SGK3: variants seen among roughly 807,000 people sequenced by gnomAD.
The protein encoded by SGK3 is serine/threonine-protein kinase Sgk3.
SGK3 carries 47 observed loss-of-function variants against 68.5 expected under a neutral mutation model. That is an observed-to-expected ratio of 0.69 (90% CI 0.54 to 0.87). The LOEUF (loss-of-function observed/expected upper bound fraction) is 0.87. SGK3 is among the 40% of genes least tolerant of loss of function. The pLI, the probability that SGK3 is intolerant of heterozygous loss-of-function variation, is 0.00. For synonymous variants in SGK3, 181 were observed against 189.1 expected (o/e 0.96, Z 0.35); for missense variants, 479 against 575.5 (o/e 0.83, Z 1.72).
chr8:66,826,584 T>C (rs778758904), intron 6 of SGK3, among the ~76,000 whole-genome samples: 22 of 152,178 alleles, frequency 1.4e-4, no homozygotes, highest in Non-Finnish European at 2.9e-4. Context: ...GGAAATAAAT[T>C]TGAATTGTAA....
intron 4 of SGK3, among the ~76,000 whole-genome samples, chr8:66,810,640 G>T (rs1808348447): frequency 6.6e-6 from 1 of 152,212 alleles, no homozygotes; most frequent in Admixed American, 6.5e-5. Context: ...GGTGGAGGTT[G>T]CAGTGAGCTG....
intron 1 of SGK3, among the ~76,000 whole-genome samples, chr8:66,720,949 AAC>A (rs1444454638): frequency 3.3e-5 from 5 of 152,102 alleles, no homozygotes; most frequent in Non-Finnish European, 5.9e-5. Context: ...CTGTCTCACA[AAC>A]AAAACAAACA....
intron 2 of SGK3, among the ~76,000 whole-genome samples, chr8:66,795,660 C>G (rs1466653742): frequency 1.3e-5 from 2 of 152,096 alleles, no homozygotes; most frequent in African/African-American, 4.8e-5. Context: ...TCGAGGAGAC[C>G]TGTAGCATTT....
intron 1 of SGK3, among the ~76,000 whole-genome samples, chr8:66,788,869 G>C (rs1807318341): frequency 6.6e-6 from 1 of 152,112 alleles, no homozygotes; most frequent in African/African-American, 2.4e-5. Context: ...TTGTTCACCA[G>C]GTCCAGTTAA....
chr8:66,787,783 T>C (rs1295660553), intron 1 of SGK3, among the ~76,000 whole-genome samples: 3 of 152,238 alleles, frequency 2.0e-5, no homozygotes, highest in Non-Finnish European at 4.4e-5. Context: ...GAAAGGTTCA[T>C]ATACATATTT....
At position 66,803,831 on chromosome 8, in the gene SGK3, A is replaced by T. The variant is rs577401208; in HGVS notation, c.181-544A>T. Reference sequence around the variant, plus strand: ...GCCACCATGCCTGGCTTTTTTTTTTATTTTATTTTTTAGAGACGAAGTTTC... The same window carrying T: ...GCCACCATGCCTGGCTTTTTTTTTTTTTTTATTTTTTAGAGACGAAGTTTC... On this transcript the variant is annotated intron_variant, in intron 3 of 16. Transcript: ENST00000521198. Among the ~76,000 whole-genome samples the T allele has an allele frequency of 3.1e-3, 468 of 149,962 alleles. 2 individuals are homozygous for T. The highest frequency in any genetic ancestry group is 0.011 in the African/African-American group (435 of 40,844).
Position 66,835,836 on chromosome 8 carries a change from A to G in SGK3, c.599A>G (p.Asn200Ser), listed in dbSNP as rs1276706902. Reference sequence around the variant, plus strand: ...GTGTTACAGAAAAAAATAGTTCTCAACAGAAAAGAGGTAAAATAAAATAGT... The same window carrying G: ...GTGTTACAGAAAAAAATAGTTCTCAGCAGAAAAGAGGTAAAATAAAATAGT... ...VKVLQKKIVL[N>S]RKEQKHIMAE... The change falls in exon 9 of 17, where the codon AAC becomes AGC. Residue 200 changes from asparagine to serine, a missense_variant. Physicochemically the swap from Asn to Ser is conservative, Grantham distance 46 (BLOSUM62 1). Coordinates refer to ENST00000521198, the MANE Select transcript of SGK3 (RefSeq NM_001033578.3). 2 of 1,609,690 alleles carry G rather than the reference A, an allele frequency of 1.2e-6. No individual in the cohort carries two copies. The highest frequency in any genetic ancestry group is 3.4e-5 in the Admixed American group (2 of 58,962).
rs958081290 is a variant in SGK3 at position 66,712,829 on chromosome 8, G to C, written c.-126G>C. On this transcript the variant is annotated 5_prime_UTR_variant, in exon 1 of 17. Transcript: ENST00000521198. The stretch of plus-strand genomic sequence containing the variant: ...GCCGCGCCGGGAGCAGCACCGCGGG[G>C]CCAGGTAGGTGCGGGGCCGGCGGGA... 6.6e-6 allele frequency: 1 copy of C among 151,452 alleles called. No individual in the cohort carries two copies. The highest frequency in any genetic ancestry group is 2.4e-5 in the African/African-American group (1 of 41,360). 9.4% of individuals were successfully genotyped at this position (151,452 alleles called of 1,614,324 possible). A position where few individuals can be genotyped will look rare whatever the true frequency, so the allele number is the denominator to read the frequency against.
chr8:66,738,462 C>T (rs1473946139), intron 1 of SGK3, among the ~76,000 whole-genome samples: 5 of 152,136 alleles, frequency 3.3e-5, no homozygotes, highest in East Asian at 3.9e-4. Context: ...TAGCATGGCT[C>T]GTTAGCCACA....
At chr8:66,743,823 T>C (rs1397502186) in intron 1 of SGK3, among the ~76,000 whole-genome samples, 1 of 152,256 alleles carries the variant, frequency 6.6e-6, no homozygotes, top group Non-Finnish European at 1.5e-5. Flanking sequence ...CTAATTTTTT[T>C]TGTACTTGTC....
chr8:66,752,423 A>C (rs778743999), intron 1 of SGK3, among the ~76,000 whole-genome samples: 2 of 152,194 alleles, frequency 1.3e-5, no homozygotes, highest in Non-Finnish European at 1.5e-5. Flanking sequence ...GGAAATAAAC[A>C]TGCAAAAAGA....
In SGK3 at chr8:66,860,731, G is replaced by A. The variant is rs952988245; in HGVS notation, c.*1150G>A. 7.9e-5 allele frequency: 12 copies of A among 152,048 alleles called. No individual in the cohort carries two copies. Among genetic ancestry groups the A allele is most frequent in the Non-Finnish European group, 4.4e-5 (3 of 68,018 alleles). 9.4% of individuals were successfully genotyped at this position (152,048 alleles called of 1,614,324 possible). Reference sequence around the variant, plus strand: ...TGCTATTAAGTCATTCTGAATCTTTGTATTTGCTTTTGCAAATAGGTATTT... The same window carrying A: ...TGCTATTAAGTCATTCTGAATCTTTATATTTGCTTTTGCAAATAGGTATTT... On this transcript the variant is annotated 3_prime_UTR_variant, in exon 17 of 17. Transcript: ENST00000521198.
chr8:66,718,713 A>C (rs948624774), intron 1 of SGK3, among the ~76,000 whole-genome samples: 2 of 151,800 alleles, frequency 1.3e-5, no homozygotes, highest in Non-Finnish European at 2.9e-5. Context: ...TTTTTAGTTG[A>C]GACAGGGTTT....
At chr8:66,739,081 G>A (rs531079354) in intron 1 of SGK3, among the ~76,000 whole-genome samples, 64 of 152,178 alleles carry the variant, frequency 4.2e-4, no homozygotes, top group African/African-American at 1.3e-3. Flanking sequence ...TTCATTTTGC[G>A]TTGCTGTAAC....
chr8:66,759,621 G>C (rs112410700), intron 1 of SGK3, among the ~76,000 whole-genome samples: 1 of 151,804 alleles, frequency 6.6e-6, no homozygotes, highest in Non-Finnish European at 1.5e-5. Flanking sequence ...TAGTAGAGAC[G>C]TTGTTTCACC....
In SGK3 at chr8:66,857,732, G is replaced by A. The variant is rs534349601; in HGVS notation, c.1321-1679G>A. On this transcript the variant is annotated intron_variant, in intron 16 of 16. Transcript: ENST00000521198. ...CAGGAGGTCGAAGCTGCAGTGAGCT[G>A]TGATTGTGCCACTGCATTCCAGCCT... 1.6e-3 allele frequency among the ~76,000 whole-genome samples: 248 copies of A among 152,094 alleles called. 1 individual carries two copies. The highest frequency in any genetic ancestry group is 2.4e-3 in the Non-Finnish European group (164 of 68,008).
At chr8:66,821,598 C>T (rs560193506) in intron 5 of SGK3, among the ~76,000 whole-genome samples, 14 of 151,768 alleles carry the variant, frequency 9.2e-5, no homozygotes, top group Middle Eastern at 3.4e-3. Flanking sequence ...CTGCAAGCTC[C>T]GCCTCCCGGG....
intron 1 of SGK3, chr8:66,737,470 C>G: frequency 6.6e-6 from 1 of 152,248 alleles, no homozygotes; most frequent in African/African-American, 2.4e-5. Context: ...AACATTGAAC[C>G]TCAGGTATCT....
intron 10 of SGK3, 91 bp from the exon 11 acceptor site, chr8:66,839,912 A>T: frequency 8.3e-7 from 1 of 1,208,482 alleles, no homozygotes; most frequent in Non-Finnish European, 1.2e-6. Context: ...AACAATTCCT[A>T]CCTTTGTATT....
Sources: allele counts gnomAD v4.1 joint callset (sites outside exome capture counted in the v4.1 genomes callset), GRCh38; gene constraint gnomAD v4.1.1; transcripts MANE v1.5; gene names NCBI Gene and HGNC (gene_info 2026-07-23, HGNC 2026-07-21).